Variants in KCNG2 observed in about 807,000 individuals in gnomAD.
KCNG2 encodes the protein voltage-gated potassium channel regulatory subunit KCNG2.
KCNG2 carries 7 observed loss-of-function variants against 12.3 expected under a neutral mutation model. The observed-to-expected ratio is 0.57, with a 90% CI of 0.32 to 1.07. The LOEUF (loss-of-function observed/expected upper bound fraction) is 1.07, where lower values mean the gene tolerates loss of function less well. KCNG2 is among the 50% of genes least tolerant of loss of function. The pLI, the probability that KCNG2 is intolerant of heterozygous loss-of-function variation, is 0.04. For synonymous variants in KCNG2, 414 were observed against 351.4 expected (o/e 1.18, Z -1.99); for missense variants, 703 against 726.0 (o/e 0.97, Z 0.36).
At chr18:79,826,353 G>A (rs539610592) in intron 1 of KCNG2, among the ~76,000 whole-genome samples, 91 of 152,386 alleles carry the variant, frequency 6.0e-4, no homozygotes, top group African/African-American at 2.1e-3. Flanking sequence ...CTTCAGGTAC[G>A]GCGCCCGTTC....
chr18:79,841,515 G>A (rs1169972053), intron 1 of KCNG2, among the ~76,000 whole-genome samples: 1 of 152,158 alleles, frequency 6.6e-6, no homozygotes, highest in African/African-American at 2.4e-5. Flanking sequence ...ACCCAACTAA[G>A]TACTAGTATT....
chr18:79,867,211 C>T (rs1979628724), intron 3 of KCNG2, among the ~76,000 whole-genome samples: 5 of 151,750 alleles, frequency 3.3e-5, no homozygotes. Flanking sequence ...GCTGAGAGAT[C>T]TGGGTGACTA....
intron 1 of KCNG2, among the ~76,000 whole-genome samples, chr18:79,799,075 C>T (rs903116904): frequency 5.9e-5 from 9 of 152,248 alleles, no homozygotes; most frequent in Non-Finnish European, 1.2e-4. Context: ...CATGGGTCCC[C>T]CCTTCTCTGC....
chr18:79,832,629 G>A (rs965430744), intron 1 of KCNG2, among the ~76,000 whole-genome samples: 5 of 152,154 alleles, frequency 3.3e-5, no homozygotes, highest in African/African-American at 1.2e-4. Context: ...ATGAAACCTT[G>A]GAACTGGGAG....
intron 1 of KCNG2, among the ~76,000 whole-genome samples, chr18:79,837,663 G>A (rs1978346278): frequency 6.6e-6 from 1 of 152,308 alleles, no homozygotes; most frequent in South Asian, 2.1e-4. Context: ...CTCCATCTGA[G>A]ACCACCTTAG....
At chr18:79,897,997 C>A (rs935190910) in intron 3 of KCNG2, among the ~76,000 whole-genome samples, 2 of 152,176 alleles carry the variant, frequency 1.3e-5, no homozygotes, top group South Asian at 4.1e-4. Context: ...CCTGACATTG[C>A]TCTGACCCCA....
Position 79,864,131 on chromosome 18 carries a change from G to C in KCNG2, c.464G>C (p.Arg155Pro), listed in dbSNP as rs758694390. ...SPARALGPRG[R>P]LQRGRRRLRD... ...GCGCGCGCCCTGGGACCTCGGGGGC[G>C]GCTGCAGCGCGGCCGGCGGCGCCTG... The change falls in exon 3 of 4, where the codon CGG (arginine) becomes CCG (proline). Residue 155 changes from arginine to proline, a missense_variant. Physicochemically the swap from Arg to Pro is moderately radical, Grantham distance 103. Coordinates refer to ENST00000316249, the MANE Select transcript of KCNG2 (RefSeq NM_012283.2). 4 of 1,310,248 alleles carry C rather than the reference G, an allele frequency of 3.1e-6. No individual in the cohort carries two copies. The highest frequency in any genetic ancestry group is 3.8e-5 in the East Asian group (1 of 26,566). The allele number at this position is 1,310,248 out of a possible 1,614,324, so 81.2% of individuals were successfully genotyped here. A position where few individuals can be genotyped will look rare whatever the true frequency, so the allele number is the denominator to read the frequency against.
In KCNG2 at chr18:79,875,040, C is replaced by T. The variant is rs1980013081; in HGVS notation, c.624+10749C>T. 2.0e-5 allele frequency among the ~76,000 whole-genome samples: 3 copies of T among 152,290 alleles called. No individual in the cohort carries two copies. In the South Asian group the frequency reaches 6.2e-4, roughly 32 times the overall value. On this transcript the variant is annotated intron_variant, in intron 3 of 3. Coordinates refer to ENST00000316249, the MANE Select transcript of KCNG2 (RefSeq NM_012283.2). ...AGCAAAGCAGCTCCCCACCTTCTGC[C>T]CTGTGATCTCCCAGCCTCCATCTCA... is the stretch of plus-strand genomic sequence containing the variant.
At chr18:79,809,897 A>G (rs1017503014) in intron 1 of KCNG2, among the ~76,000 whole-genome samples, 3 of 151,882 alleles carry the variant, frequency 2.0e-5, no homozygotes, top group African/African-American at 4.8e-5. Flanking sequence ...TTCTCCTCCC[A>G]CTATCGTGAC....
intron 1 of KCNG2, among the ~76,000 whole-genome samples, chr18:79,819,550 A>G (rs2087555637): frequency 6.6e-6 from 1 of 152,172 alleles, no homozygotes; most frequent in Non-Finnish European, 1.5e-5. Context: ...TCACCCATGG[A>G]CAATGTTCAC....
intron 1 of KCNG2, among the ~76,000 whole-genome samples, chr18:79,823,722 G>A (rs2087590004): frequency 6.6e-6 from 1 of 151,928 alleles, no homozygotes. Context: ...TTTTCCACGT[G>A]TGCCCAGCTC....
At chr18:79,869,555 C>T (rs1317296198) in intron 3 of KCNG2, among the ~76,000 whole-genome samples, 2 of 152,146 alleles carry the variant, frequency 1.3e-5, no homozygotes, top group Non-Finnish European at 2.9e-5. Flanking sequence ...CTGTGCTGTC[C>T]AAGCAGGCTC....
intron 1 of KCNG2, among the ~76,000 whole-genome samples, chr18:79,837,713 C>A (rs1018112011): frequency 2.0e-5 from 3 of 152,228 alleles, no homozygotes; most frequent in African/African-American, 7.2e-5. Context: ...GTATTTTGGT[C>A]AAAACCATTT....
chr18:79,889,424 T>C (rs760858240), intron 3 of KCNG2, among the ~76,000 whole-genome samples: 1 of 152,256 alleles, frequency 6.6e-6, no homozygotes, highest in Non-Finnish European at 1.5e-5. Flanking sequence ...GGTCAAAATT[T>C]AGAGTTTCTT....
rs1040361272 is a variant in KCNG2, at chr18:79,863,687, C to T, written c.20C>T (p.Ser7Phe). The T allele has an allele frequency of 1.5e-5, 18 of 1,187,220 alleles. No homozygotes were observed. Among genetic ancestry groups the T allele is most frequent in the Admixed American group, 4.8e-5 (1 of 21,036 alleles). 73.5% of individuals were successfully genotyped at this position (1,187,220 alleles called of 1,614,324 possible). A position where few individuals can be genotyped will look rare whatever the true frequency, so the allele number is the denominator to read the frequency against. MEPWPCSPGGGGGTRAR... is the reference protein window; with the variant it reads MEPWPCFPGGGGGTRAR... Reference sequence around the variant, plus strand: ...CTGCGCATGGAGCCATGGCCCTGCTCCCCGGGCGGCGGCGGCGGGACCCGC... The same window carrying T: ...CTGCGCATGGAGCCATGGCCCTGCTTCCCGGGCGGCGGCGGCGGGACCCGC... Residue 7 changes from serine (S) to phenylalanine (F), a missense_variant, in exon 3 of 4, where the codon TCC (serine) becomes TTC (phenylalanine). Physicochemically the swap from Ser to Phe is radical, Grantham distance 155. Transcript: ENST00000316249.
intron 1 of KCNG2, among the ~76,000 whole-genome samples, chr18:79,827,200 C>A (rs1978286837): frequency 6.6e-6 from 1 of 152,224 alleles, no homozygotes; most frequent in Non-Finnish European, 1.5e-5. Flanking sequence ...GGAGCTGGGG[C>A]TCGGGCCAGA....
intron 1 of KCNG2, among the ~76,000 whole-genome samples, chr18:79,826,586 T>C (rs1978286260): frequency 7.2e-6 from 1 of 138,646 alleles, no homozygotes; most frequent in Admixed American, 7.4e-5. Flanking sequence ...TTCGGCGCGT[T>C]ACGTCATTAC....
At chr18:79,825,933 C>T (rs1978285305) in intron 1 of KCNG2, among the ~76,000 whole-genome samples, 1 of 152,260 alleles carries the variant, frequency 6.6e-6, no homozygotes, top group Non-Finnish European at 1.5e-5. Context: ...GGAGCGCGGA[C>T]ACCTGTCGCC....
chr18:79,897,197 C>A (rs1393457071), intron 3 of KCNG2, among the ~76,000 whole-genome samples: 1 of 151,744 alleles, frequency 6.6e-6, no homozygotes, highest in Non-Finnish European at 1.5e-5. Context: ...CTTGGGTATT[C>A]CCATTATGCA....
Sources: allele counts gnomAD v4.1 joint callset (sites outside exome capture counted in the v4.1 genomes callset), GRCh38; gene constraint gnomAD v4.1.1; transcripts MANE v1.5; gene names NCBI Gene and HGNC (gene_info 2026-07-23, HGNC 2026-07-21).